GCNT1: variants seen among roughly 807,000 people sequenced by gnomAD.
GCNT1 encodes beta-1,3-galactosyl-O-glycosyl-glycoprotein beta-1,6-N-acetylglucosaminyltransferase.
Under a neutral mutation model 26.2 loss-of-function variants are expected in GCNT1, and 16 were observed. That is an observed-to-expected ratio of 0.61 (90% confidence interval 0.41 to 0.93). The LOEUF is 0.93. Ranked by LOEUF, GCNT1 falls within the 40% of genes least tolerant of loss-of-function variation. The probability of loss-of-function intolerance (pLI) is 0.00; values close to 1 mark genes in which losing one functional copy is unlikely to be tolerated. For synonymous variants in GCNT1, 183 were observed against 190.8 expected (o/e 0.96, Z 0.34); for missense variants, 477 against 526.7 (o/e 0.91, Z 0.92).
rs1204697926 is a variant in GCNT1 at position 76,505,874 on chromosome 9, G to C, written c.*2206G>C. ...ATAAATGTAAACATAGGATTTTAGAGTCTATTTCCCCAAGCGCCACATTAT... is the reference window on the plus strand; with the variant it reads ...ATAAATGTAAACATAGGATTTTAGACTCTATTTCCCCAAGCGCCACATTAT... On this transcript the variant is annotated 3_prime_UTR_variant, in exon 4 of 4. Transcript: ENST00000376730. 3 of 165,788 alleles carry C rather than the reference G, an allele frequency of 1.8e-5. No homozygotes were observed. 10.3% of individuals were successfully genotyped at this position (165,788 alleles called of 1,614,324 possible).
the GCNT1 span, chr9:76,398,851 G>A: frequency 6.8e-7 from 1 of 1,462,400 alleles, no homozygotes; most frequent in Non-Finnish European, 9.5e-7. Flanking sequence ...TCATAAATCT[G>A]AAGAGGACCT....
At chr9:76,406,831 A>G in the GCNT1 span, among the ~76,000 whole-genome samples, 1 of 152,176 alleles carries the variant, frequency 6.6e-6, no homozygotes, top group African/African-American at 2.4e-5. Context: ...ACTTGAAGCC[A>G]GGAGTTAGAG....
chr9:76,489,712 A>G (rs576166059), intron 2 of GCNT1, among the ~76,000 whole-genome samples: 1 of 152,094 alleles, frequency 6.6e-6, no homozygotes, highest in African/African-American at 2.4e-5. Context: ...TCCCCACTTG[A>G]CCCAGGAAGT....
chr9:76,498,545 G>A (rs962150198), intron 2 of GCNT1, among the ~76,000 whole-genome samples: 3 of 152,082 alleles, frequency 2.0e-5, no homozygotes, highest in Admixed American at 6.6e-5. Context: ...GGCCAAGGCA[G>A]GCAGATCACC....
In GCNT1 at chr9:76,479,040, A is replaced by G. The variant is rs535105573; in HGVS notation, c.-290+18863A>G. Reference sequence around the variant, plus strand: ...ACCCCACAACAGGCCCTGGTGTGTGATGTCCCCCTTCCTGTGTCCAAGTGT... The same window carrying G: ...ACCCCACAACAGGCCCTGGTGTGTGGTGTCCCCCTTCCTGTGTCCAAGTGT... On this transcript the variant is annotated intron_variant, in intron 2 of 3. Coordinates refer to ENST00000376730, the MANE Select transcript of GCNT1 (RefSeq NM_001490.5). Among the ~76,000 whole-genome samples, 5 of 149,584 alleles carry G rather than the reference A, an allele frequency of 3.3e-5. No homozygotes were observed. In the South Asian group the frequency reaches 1.1e-3, roughly 32 times the overall value.
chr9:76,466,139 C>T (rs184484503), intron 2 of GCNT1, among the ~76,000 whole-genome samples: 7 of 152,060 alleles, frequency 4.6e-5, no homozygotes, highest in East Asian at 1.9e-4. Context: ...GGGCTGGACC[C>T]GTAGAGTTTG....
At chr9:76,445,437 G>A (rs181826963) in intron 1 of GCNT1, among the ~76,000 whole-genome samples, 77 of 151,978 alleles carry the variant, frequency 5.1e-4, no homozygotes, top group Middle Eastern at 3.4e-3. Context: ...ACCCAGGCTG[G>A]AGTGCAGTGG....
intron 1 of GCNT1, among the ~76,000 whole-genome samples, chr9:76,430,227 A>G (rs1044549559): frequency 2.6e-5 from 4 of 152,016 alleles, no homozygotes; most frequent in Admixed American, 6.6e-5. Flanking sequence ...TGAAAGTTCT[A>G]TTTCCCTACA....
At chr9:76,490,391 G>T (rs1310852876) in intron 2 of GCNT1, among the ~76,000 whole-genome samples, 2 of 152,192 alleles carry the variant, frequency 1.3e-5, no homozygotes, top group African/African-American at 4.8e-5. Flanking sequence ...TAGTAATGAA[G>T]TAGATAAACT....
chr9:76,400,263 A>T, the GCNT1 span, among the ~76,000 whole-genome samples: 1 of 152,198 alleles, frequency 6.6e-6, no homozygotes, highest in South Asian at 2.1e-4. Flanking sequence ...TGAATAATTA[A>T]TCTAAAAATT....
At chr9:76,409,286 A>G in the GCNT1 span, among the ~76,000 whole-genome samples, 5 of 151,978 alleles carry the variant, frequency 3.3e-5, no homozygotes, top group Non-Finnish European at 5.9e-5. Context: ...ATTTGTAGTG[A>G]TGTCCCCTCT....
chr9:76,447,150 TCAAAA>T (rs1564226816), intron 1 of GCNT1, among the ~76,000 whole-genome samples: 1 of 36,302 alleles, frequency 2.8e-5, no homozygotes, highest in Non-Finnish European at 4.7e-5. Context: ...AAACCCTGTG[TCAAAA>T]AAAAAAAAAA....
chr9:76,421,686 G>GTTTTTTTTTTTTTTTT (rs375605387), intron 1 of GCNT1, among the ~76,000 whole-genome samples: 1 of 84,376 alleles, frequency 1.2e-5, no homozygotes, highest in Non-Finnish European at 2.2e-5. Context: ...TTGTTTGTAG[G>GTTTTTTTTTTTTTTTT]TTGTTTTTTT....
the GCNT1 span, among the ~76,000 whole-genome samples, chr9:76,405,850 C>T: frequency 3.3e-5 from 5 of 152,216 alleles, no homozygotes; most frequent in African/African-American, 9.7e-5. Context: ...CTGCTCTAAA[C>T]ATCAATCTGC....
chr9:76,406,132 G>A, the GCNT1 span, among the ~76,000 whole-genome samples: 2 of 152,168 alleles, frequency 1.3e-5, no homozygotes, highest in South Asian at 4.1e-4. Flanking sequence ...GACATATGAT[G>A]TGGAACATCT....
intron 1 of GCNT1, among the ~76,000 whole-genome samples, chr9:76,434,338 G>A (rs1823377713): frequency 6.6e-6 from 1 of 152,190 alleles, no homozygotes; most frequent in African/African-American, 2.4e-5. Flanking sequence ...ACTCACTATT[G>A]TGGGAAGTCA....
intron 1 of GCNT1, among the ~76,000 whole-genome samples, chr9:76,447,240 T>G (rs1227804814): frequency 6.6e-6 from 1 of 151,704 alleles, no homozygotes; most frequent in Admixed American, 6.6e-5. Context: ...CTTTTTTTCT[T>G]TTTCTTCTTT....
chr9:76,492,773 C>CG (rs1824782472), intron 2 of GCNT1, among the ~76,000 whole-genome samples: 2 of 149,646 alleles, frequency 1.3e-5, no homozygotes, highest in Non-Finnish European at 3.0e-5. Flanking sequence ...TGGCCTGCTC[C>CG]ATTTTCTGTC....
At chr9:76,423,766 A>C (rs373609748) in intron 1 of GCNT1, among the ~76,000 whole-genome samples, 103 of 152,366 alleles carry the variant, frequency 6.8e-4, no homozygotes, top group African/African-American at 2.4e-3. Flanking sequence ...GTTTGATGAA[A>C]TCCATAGAAG....
Sources: allele counts gnomAD v4.1 joint callset (sites outside exome capture counted in the v4.1 genomes callset), GRCh38; gene constraint gnomAD v4.1.1; transcripts MANE v1.5; gene names NCBI Gene and HGNC (gene_info 2026-07-23, HGNC 2026-07-21).